The following LRRTM4 variants were observed in gnomAD, a reference collection of about 807,000 sequenced individuals.
LRRTM4 encodes the protein leucine rich repeat transmembrane neuronal 4, also known as leucine-rich repeat transmembrane neuronal protein 4.
Under a neutral mutation model 47.6 loss-of-function variants are expected in LRRTM4, and 25 were observed. The ratio of observed to expected loss-of-function variants is 0.53; its 90% CI spans 0.38 to 0.73. The LOEUF is 0.73. Ranked by LOEUF, LRRTM4 falls within the 30% of genes least tolerant of loss-of-function variation. LRRTM4 has a pLI of 0.00. For synonymous variants in LRRTM4, 311 were observed against 269.5 expected (o/e 1.15, Z -1.51); for missense variants, 638 against 713.4 (o/e 0.89, Z 1.20).
intron 3 of LRRTM4, among the ~76,000 whole-genome samples, chr2:77,182,952 T>A (rs1003310100): frequency 2.0e-5 from 3 of 152,154 alleles, no homozygotes; most frequent in Non-Finnish European, 2.9e-5. Flanking sequence ...ATTAAAGACT[T>A]ACATGTTAGA....
Position 77,465,939 on chromosome 2 carries a change from C to T in LRRTM4, c.1551+52379G>A, listed in dbSNP as rs1417651622. 7.9e-3 allele frequency among the ~76,000 whole-genome samples: 1,204 copies of T among 152,216 alleles called. 5 individuals are homozygous for T. Among genetic ancestry groups the T allele is most frequent in the Non-Finnish European group, 0.012 (788 of 68,000 alleles). ...AGGTAATGATAAAAGCAGCAGGCTT[C>T]TCAAATGCAATATGGACTGTTTTTC... On this transcript the variant is annotated intron_variant, in intron 3 of 3. Coordinates refer to ENST00000409884, the MANE Select transcript of LRRTM4 (RefSeq NM_001134745.3).
intron 3 of LRRTM4, among the ~76,000 whole-genome samples, chr2:77,449,379 G>A (rs1259515424): frequency 5.9e-5 from 9 of 152,040 alleles, no homozygotes; most frequent in Admixed American, 4.6e-4. Flanking sequence ...AAAATGATAC[G>A]AGAATTGTGA....
chr2:77,479,152 C>T (rs867853975), intron 3 of LRRTM4, among the ~76,000 whole-genome samples: 3 of 151,966 alleles, frequency 2.0e-5, no homozygotes, highest in Non-Finnish European at 2.9e-5. Context: ...TGTCTCGGCC[C>T]CCCAGAGTGC....
chr2:77,481,463 G>C (rs539556927), intron 3 of LRRTM4, among the ~76,000 whole-genome samples: 1 of 152,180 alleles, frequency 6.6e-6, no homozygotes, highest in South Asian at 2.1e-4. Context: ...AGGGTAAATG[G>C]ATTCTACCTT....
chr2:76,932,587 T>C (rs1674806984), intron 3 of LRRTM4, among the ~76,000 whole-genome samples: 1 of 152,128 alleles, frequency 6.6e-6, no homozygotes, highest in Non-Finnish European at 1.5e-5. Flanking sequence ...AACCTATGTT[T>C]CATTCTTGTA....
chr2:77,182,954 C>A (rs556152252), intron 3 of LRRTM4, among the ~76,000 whole-genome samples: 7 of 152,182 alleles, frequency 4.6e-5, no homozygotes, highest in African/African-American at 1.7e-4. Context: ...TAAAGACTTA[C>A]ATGTTAGACC....
intron 3 of LRRTM4, chr2:77,009,164 G>A (rs184778490): frequency 6.6e-6 from 1 of 152,040 alleles, no homozygotes; most frequent in Non-Finnish European, 1.5e-5. Flanking sequence ...CAACACAAAT[G>A]GAAAGCTGAC....
intron 3 of LRRTM4, among the ~76,000 whole-genome samples, chr2:77,455,041 A>G (rs558872947): frequency 6.6e-6 from 1 of 152,124 alleles, no homozygotes; most frequent in African/African-American, 2.4e-5. Flanking sequence ...TACAAAAATT[A>G]GCCAGATGTG....
chr2:77,190,893 A>AT (rs1387313964), intron 3 of LRRTM4, among the ~76,000 whole-genome samples: 29 of 152,282 alleles, frequency 1.9e-4, no homozygotes, highest in Non-Finnish European at 4.0e-4. Flanking sequence ...TGTGTAGCAG[A>AT]TACATTCCTA....
intron 3 of LRRTM4, among the ~76,000 whole-genome samples, chr2:77,398,914 T>C (rs1673821630): frequency 1.3e-5 from 2 of 151,760 alleles, no homozygotes; most frequent in South Asian, 4.1e-4. Context: ...GTGCTTTGTT[T>C]TGGGTTGAAT....
chr2:77,205,403 CAT>C (rs1298035559), intron 3 of LRRTM4, among the ~76,000 whole-genome samples: 1 of 152,080 alleles, frequency 6.6e-6, no homozygotes, highest in African/African-American at 2.4e-5. Context: ...AATTAGATTT[CAT>C]AGATGGCCTG....
chr2:77,183,260 C>T (rs1157502370), intron 3 of LRRTM4, among the ~76,000 whole-genome samples: 3 of 152,070 alleles, frequency 2.0e-5, no homozygotes, highest in South Asian at 2.1e-4. Flanking sequence ...CCCATCAAAA[C>T]GTGGGTGAAG....
chr2:77,075,323 G>A lies in LRRTM4; in HGVS notation c.1552-326407C>T, dbSNP rs569967220. Among the ~76,000 whole-genome samples the A allele has an allele frequency of 1.1e-4, 17 of 152,264 alleles. No homozygotes were observed. The East Asian group carries it at 3.3e-3, about 29-fold the overall frequency. On this transcript the variant is annotated intron_variant, in intron 3 of 3. Coordinates refer to ENST00000409884, the MANE Select transcript of LRRTM4 (RefSeq NM_001134745.3). ...AGGCTTAACCACAAATTAATTGGAA[G>A]TCTGTGTCAGTCTGTTTATTTGTCT...
At chr2:76,995,716 A>C (rs571765152) in intron 3 of LRRTM4, among the ~76,000 whole-genome samples, 1 of 152,184 alleles carries the variant, frequency 6.6e-6, no homozygotes, top group South Asian at 2.1e-4. Context: ...TAGATTCAGG[A>C]ACTATAACTC....
intron 3 of LRRTM4, among the ~76,000 whole-genome samples, chr2:76,898,263 A>G (rs1673491557): frequency 6.6e-6 from 1 of 151,584 alleles, no homozygotes; most frequent in Non-Finnish European, 1.5e-5. Flanking sequence ...TATCTTAACA[A>G]TTAGCAATTT....
chr2:77,092,480 C>T (rs1670679278), intron 3 of LRRTM4, among the ~76,000 whole-genome samples: 1 of 142,998 alleles, frequency 7.0e-6, no homozygotes, highest in Admixed American at 7.0e-5. Flanking sequence ...AATCTATCCT[C>T]AAGGAAATAA....
chr2:77,170,551 T>C (rs1342495459), intron 3 of LRRTM4, among the ~76,000 whole-genome samples: 1 of 152,214 alleles, frequency 6.6e-6, no homozygotes, highest in Admixed American at 6.6e-5. Context: ...ATATGTGTTG[T>C]ATTGTTTTAA....
At chr2:77,114,246 A>G (rs1671328825) in intron 3 of LRRTM4, among the ~76,000 whole-genome samples, 1 of 152,042 alleles carries the variant, frequency 6.6e-6, no homozygotes, top group Admixed American at 6.5e-5. Flanking sequence ...CAGTTCCTGG[A>G]ATTTTGCACC....
intron 3 of LRRTM4, among the ~76,000 whole-genome samples, chr2:77,395,084 G>A (rs1256701241): frequency 2.0e-5 from 3 of 151,872 alleles, no homozygotes; most frequent in Admixed American, 2.0e-4. Context: ...CATGGCCTTT[G>A]GTCTTGTTTA....
Sources: gnomAD v4.1 joint callset for allele counts (sites outside exome capture counted in the v4.1 genomes callset) on GRCh38, gnomAD v4.1.1 for gene constraint, MANE v1.5 for transcripts, NCBI Gene and HGNC (gene_info 2026-07-23, HGNC 2026-07-21) for gene names.